The following ROR1 variants were observed in gnomAD, a reference collection of about 807,000 sequenced individuals.
The protein encoded by ROR1 is ROR family WNT receptor 1.
ROR1 carries 19 observed loss-of-function variants against 78.8 expected under a neutral mutation model. The ratio of observed to expected loss-of-function variants is 0.24; its 90% CI spans 0.17 to 0.35. The LOEUF is 0.35. Ranked by LOEUF, ROR1 falls within the 10% of genes least tolerant of loss-of-function variation. The pLI, the probability that ROR1 is intolerant of heterozygous loss-of-function variation, is 1.00. For missense variants in ROR1, 917 were observed against 1,177.8 expected, an observed-to-expected ratio of 0.78 and a Z score of 3.24; for synonymous variants, 386 against 433.6, an observed-to-expected ratio of 0.89 and a Z score of 1.36.
At chr1:63,876,198 G>T (rs931134849) in intron 1 of ROR1, among the ~76,000 whole-genome samples, 6 of 152,114 alleles carry the variant, frequency 3.9e-5, no homozygotes, top group African/African-American at 1.4e-4. Context: ...TAATAAGATG[G>T]AGTGAAGTGG....
At chr1:64,083,433 G>A (rs834351) in intron 4 of ROR1, among the ~76,000 whole-genome samples, 29,375 of 151,312 alleles carry the variant, frequency 0.19, 3,605 homozygotes, top group African/African-American at 0.36. Context: ...GGAAATAGCT[G>A]GAGGTAATGA....
chr1:63,885,778 C>T (rs1042220824), intron 1 of ROR1, among the ~76,000 whole-genome samples: 4 of 152,128 alleles, frequency 2.6e-5, no homozygotes, highest in South Asian at 2.1e-4. Context: ...TTCCTCCAAA[C>T]GTGAACCCTC....
rs1183310745 is a variant in ROR1, at chr1:64,178,204, G to A, written c.2163G>A (p.Met721Ile). The A allele has an allele frequency of 1.2e-6, 2 of 1,614,160 alleles. No individual in the cohort carries two copies. The highest frequency in any genetic ancestry group is 1.7e-6 in the Non-Finnish European group (2 of 1,180,026). Reference protein sequence around the residue: ...LPCSEDCPPRMYSLMTECWNE... With the variant: ...LPCSEDCPPRIYSLMTECWNE... ...GCTCTGAAGACTGCCCACCCAGAAT[G>A]TACAGCCTCATGACAGAGTGCTGGA... is the stretch of plus-strand genomic sequence containing the variant. Residue 721 changes from methionine to isoleucine, a missense_variant, in exon 9 of 9, where the codon ATG becomes ATA. By Grantham distance (10) the Met-to-Ile change is conservative. Around this residue, in one of 3 missense-constraint regions of ROR1, gnomAD observed 835 missense variants for 1,069.8 expected, o/e 0.78. Coordinates refer to ENST00000371079, the MANE Select transcript of ROR1 (RefSeq NM_005012.4). The surrounding 1 kb of genome is among the most constrained non-coding windows in gnomAD (Gnocchi z 4.3).
chr1:64,168,990 G>A (rs1275577854), intron 8 of ROR1, among the ~76,000 whole-genome samples: 3 of 152,236 alleles, frequency 2.0e-5, no homozygotes, highest in African/African-American at 7.2e-5. Context: ...AACTCTTGAG[G>A]TGGAGCCCAG....
intron 1 of ROR1, among the ~76,000 whole-genome samples, chr1:63,925,391 A>C (rs1005549126): frequency 6.6e-6 from 1 of 151,174 alleles, no homozygotes; most frequent in African/African-American, 2.4e-5. Context: ...TATGTGCCAC[A>C]TTTTCTTAAT....
At chr1:63,903,569 T>C (rs1035909242) in intron 1 of ROR1, among the ~76,000 whole-genome samples, 10 of 152,250 alleles carry the variant, frequency 6.6e-5, no homozygotes, top group East Asian at 5.8e-4. Context: ...TTCCTTCTGC[T>C]CCTTTCCACC....
chr1:63,984,116 A>G (rs1335075111), intron 1 of ROR1, among the ~76,000 whole-genome samples: 1 of 152,170 alleles, frequency 6.6e-6, no homozygotes, highest in Non-Finnish European at 1.5e-5. Flanking sequence ...GAAATGAGAT[A>G]ATCTATGTGG....
At chr1:63,786,787 G>A (rs1191315903) in intron 1 of ROR1, among the ~76,000 whole-genome samples, 1 of 152,070 alleles carries the variant, frequency 6.6e-6, no homozygotes, top group African/African-American at 2.4e-5. Flanking sequence ...TGATCTGAGT[G>A]CTGGTGGATG....
At chr1:63,978,975 T>G (rs1646185861) in intron 1 of ROR1, among the ~76,000 whole-genome samples, 1 of 152,152 alleles carries the variant, frequency 6.6e-6, no homozygotes, top group Non-Finnish European at 1.5e-5. Context: ...GTAGTTCAAG[T>G]CTGAAGGCCA....
intron 1 of ROR1, among the ~76,000 whole-genome samples, chr1:63,874,123 T>C (rs1332839457): frequency 6.6e-6 from 1 of 152,142 alleles, no homozygotes. Context: ...TATTGAGATA[T>C]GTTCATGAAT....
At chr1:63,853,261 T>C (rs566116975) in intron 1 of ROR1, among the ~76,000 whole-genome samples, 1 of 152,328 alleles carries the variant, frequency 6.6e-6, no homozygotes, top group African/African-American at 2.4e-5. Flanking sequence ...AGCTAGTTCA[T>C]TCTCAAAACT....
rs74428050 is a variant in ROR1 at position 64,047,215 on chromosome 1, G to A, written c.164-2476G>A. The stretch of plus-strand genomic sequence containing the variant: ...TAGAGGATAACAGGAGACAGAGGCT[G>A]TGAAAACATTTTGTCATGTGAAAAG... On this transcript the variant is annotated intron_variant, in intron 2 of 8. Transcript: ENST00000371079. Among the ~76,000 whole-genome samples the A allele has an allele frequency of 3.9e-3, 590 of 152,312 alleles. 7 individuals carry two copies. Among genetic ancestry groups the A allele is most frequent in the African/African-American group, 0.014 (561 of 41,554 alleles).
chr1:63,993,064 C>A (rs1040308202), intron 1 of ROR1, among the ~76,000 whole-genome samples: 1 of 152,156 alleles, frequency 6.6e-6, no homozygotes, highest in Admixed American at 6.5e-5. Context: ...GGACATGCAG[C>A]GATACCTAAG....
At chr1:63,899,443 T>C (rs1030999921) in intron 1 of ROR1, among the ~76,000 whole-genome samples, 1 of 152,182 alleles carries the variant, frequency 6.6e-6, no homozygotes, top group Non-Finnish European at 1.5e-5. Flanking sequence ...TTGCATACTT[T>C]GTAGCAATTC....
At chr1:64,021,999 C>G (rs1646568786) in intron 2 of ROR1, among the ~76,000 whole-genome samples, 1 of 152,118 alleles carries the variant, frequency 6.6e-6, no homozygotes. Context: ...GCCTAAATGT[C>G]CATCAGTGGG....
chr1:64,169,157 G>T (rs1316098272), intron 8 of ROR1, among the ~76,000 whole-genome samples: 2 of 152,228 alleles, frequency 1.3e-5, no homozygotes, highest in African/African-American at 4.8e-5. Flanking sequence ...ACCTGGGATA[G>T]CCCTCCTATT....
At chr1:63,965,362 A>G (rs2100490584) in intron 1 of ROR1, among the ~76,000 whole-genome samples, 1 of 152,304 alleles carries the variant, frequency 6.6e-6, no homozygotes, top group East Asian at 1.9e-4. Context: ...TGCTCATGGC[A>G]AAAGTTGCCA....
chr1:63,954,264 G>A (rs1222241219), intron 1 of ROR1, among the ~76,000 whole-genome samples: 1 of 152,192 alleles, frequency 6.6e-6, no homozygotes, highest in Admixed American at 6.5e-5. Context: ...CAGGGAGGGG[G>A]AGATGGGAAA....
At chr1:64,061,671 C>A (rs2100605928) in intron 4 of ROR1, among the ~76,000 whole-genome samples, 1 of 152,316 alleles carries the variant, frequency 6.6e-6, no homozygotes, top group Admixed American at 6.5e-5. Flanking sequence ...GGTGCCTGGC[C>A]AGATGCTAGT....
Sources: gnomAD v4.1 joint callset for allele counts (sites outside exome capture counted in the v4.1 genomes callset) on GRCh38, gnomAD v4.1.1 for gene constraint, gnomAD v4.1.1 regional missense constraint, Gnocchi (gnomAD v3.1) non-coding constraint, MANE v1.5 for transcripts, NCBI Gene and HGNC (gene_info 2026-07-23, HGNC 2026-07-21) for gene names.